The following CTNND2 variants were observed in gnomAD, a reference collection of about 807,000 sequenced individuals.
The protein encoded by CTNND2 is catenin delta 2.
Under a neutral mutation model 144.4 loss-of-function variants are expected in CTNND2, and 22 were observed. That is an observed-to-expected ratio of 0.15 (90% confidence interval 0.11 to 0.22). The LOEUF (loss-of-function observed/expected upper bound fraction) is 0.22. Ranked by LOEUF, CTNND2 falls within the 10% of genes least tolerant of loss-of-function variation. The probability of loss-of-function intolerance (pLI) is 1.00; values close to 1 mark genes in which losing one functional copy is unlikely to be tolerated. For synonymous variants in CTNND2, 751 were observed against 695.6 expected (o/e 1.08, Z -1.25); for missense variants, 1,353 against 1,618.8 (o/e 0.84, Z 2.82).
chr5:11,903,937 C>T lies in CTNND2; in HGVS notation c.-84G>A. ...GCTTCAGGGCAAGGTCCTGACCTTGCCCAACTGCAGCATCTTCCGCTTTTG... is the reference window on the plus strand; with the variant it reads ...GCTTCAGGGCAAGGTCCTGACCTTGTCCAACTGCAGCATCTTCCGCTTTTG... On this transcript the variant is annotated 5_prime_UTR_variant, in exon 1 of 22. Transcript: ENST00000304623. This position sits in a 1 kb window ranked among gnomAD's most constrained non-coding sequence, Gnocchi z 5.4. 2 of 1,321,788 alleles carry T rather than the reference C, an allele frequency of 1.5e-6. No homozygotes were observed. The highest frequency in any genetic ancestry group is 1.9e-6 in the Non-Finnish European group (2 of 1,034,488). 81.9% of individuals were successfully genotyped at this position (1,321,788 alleles called of 1,614,324 possible).
intron 2 of CTNND2, among the ~76,000 whole-genome samples, chr5:11,647,825 C>T (rs1561655467): frequency 6.6e-6 from 1 of 152,154 alleles, no homozygotes; most frequent in Non-Finnish European, 1.5e-5. Flanking sequence ...CAGCCATGAT[C>T]TTGCTCTAGA....
chr5:11,368,641 G>C (rs1239683252), intron 7 of CTNND2, among the ~76,000 whole-genome samples: 1 of 152,150 alleles, frequency 6.6e-6, no homozygotes, highest in African/African-American at 2.4e-5. Flanking sequence ...GTGGCCTCAG[G>C]GTGTTGATGT....
At chr5:11,255,011 G>A (rs938647718) in intron 9 of CTNND2, among the ~76,000 whole-genome samples, 3 of 152,202 alleles carry the variant, frequency 2.0e-5, no homozygotes, top group African/African-American at 7.2e-5. Context: ...TTGGAGTCAT[G>A]CCAGAGCTAC....
At chr5:11,199,334 C>G in intron 11 of CTNND2, 114 bp downstream of exon 11, 1 of 897,170 alleles carries the variant, frequency 1.1e-6, no homozygotes, top group Non-Finnish European at 1.7e-6. Context: ...ATATTGAGAC[C>G]GCCTATGTTA....
At chr5:11,135,346 T>C (rs1216002698) in intron 12 of CTNND2, among the ~76,000 whole-genome samples, 1 of 152,236 alleles carries the variant, frequency 6.6e-6, no homozygotes, top group Non-Finnish European at 1.5e-5. Flanking sequence ...TTTCTAAAGT[T>C]CATCTTAATA....
At chr5:11,152,429 C>G (rs1757823850) in intron 12 of CTNND2, among the ~76,000 whole-genome samples, 2 of 152,228 alleles carry the variant, frequency 1.3e-5, no homozygotes, top group Non-Finnish European at 2.9e-5. Context: ...ATAGACATAT[C>G]ATACAGCCTA....
chr5:11,767,957 T>C (rs980877426), intron 1 of CTNND2, among the ~76,000 whole-genome samples: 3 of 152,184 alleles, frequency 2.0e-5, no homozygotes, highest in African/African-American at 7.2e-5. Flanking sequence ...ATTCCAATAA[T>C]GTATCACTAA....
intron 5 of CTNND2, among the ~76,000 whole-genome samples, chr5:11,408,118 G>A (rs1210041670): frequency 6.6e-6 from 1 of 152,124 alleles, no homozygotes; most frequent in Non-Finnish European, 1.5e-5. Flanking sequence ...AAGGGCATCT[G>A]TCTTCCACTG....
intron 2 of CTNND2, among the ~76,000 whole-genome samples, chr5:11,642,203 G>A (rs908863314): frequency 6.6e-6 from 1 of 152,042 alleles, no homozygotes; most frequent in African/African-American, 2.4e-5. Flanking sequence ...TATGTCTCAG[G>A]TACAGCCCAG....
intron 1 of CTNND2, among the ~76,000 whole-genome samples, chr5:11,856,494 T>C (rs943599635): frequency 1.1e-4 from 17 of 152,102 alleles, no homozygotes; most frequent in African/African-American, 3.1e-4. Context: ...TTAGTATCAA[T>C]CTGAGTGTCG....
chr5:11,011,346 T>G (rs1038028480), intron 18 of CTNND2, among the ~76,000 whole-genome samples: 1 of 152,160 alleles, frequency 6.6e-6, no homozygotes, highest in African/African-American at 2.4e-5. Context: ...CCCGAGTAGC[T>G]GGGATTACAG....
intron 3 of CTNND2, among the ~76,000 whole-genome samples, chr5:11,412,457 C>CT (rs1561355146): frequency 6.6e-6 from 1 of 152,022 alleles, no homozygotes; most frequent in African/African-American, 2.4e-5. Flanking sequence ...ATAACTATCC[C>CT]TTTTTTTATT....
chr5:11,411,526 C>T lies in CTNND2; in HGVS notation c.439+10G>A, dbSNP rs375686415. On this transcript the variant is annotated intron_variant, in intron 5 of 21. Coordinates refer to ENST00000304623, the MANE Select transcript of CTNND2 (RefSeq NM_001332.4). ...CAACTATCTTCAAGCATAACTGCCA[C>T]GTGACTTACTTTCACCTGTAGAATA... The T allele has an allele frequency of 2.9e-5, 40 of 1,395,406 alleles. No homozygotes were observed. Among genetic ancestry groups the T allele is most frequent in the African/African-American group, 1.8e-4 (13 of 70,280 alleles). The allele number at this position is 1,395,406 out of a possible 1,614,324, so 86.4% of individuals were successfully genotyped here.
chr5:11,190,832 T>C (rs1736164751), intron 11 of CTNND2, among the ~76,000 whole-genome samples: 1 of 152,014 alleles, frequency 6.6e-6, no homozygotes, highest in Non-Finnish European at 1.5e-5. Context: ...TTCTAGAATC[T>C]AGAAGAGAAT....
At chr5:10,993,132 C>A (rs994344272) in intron 18 of CTNND2, among the ~76,000 whole-genome samples, 1 of 152,164 alleles carries the variant, frequency 6.6e-6, no homozygotes, top group Admixed American at 6.5e-5. Flanking sequence ...GCAGCGTCCT[C>A]CCTTCCCGTT....
chr5:11,088,367 G>A (rs904547059), intron 15 of CTNND2, among the ~76,000 whole-genome samples: 3 of 152,182 alleles, frequency 2.0e-5, no homozygotes, highest in African/African-American at 7.2e-5. Context: ...GTGGTTGAGA[G>A]GTGCAGGCTC....
At chr5:11,276,479 T>C (rs1374601991) in intron 9 of CTNND2, among the ~76,000 whole-genome samples, 1 of 152,178 alleles carries the variant, frequency 6.6e-6, no homozygotes, top group Non-Finnish European at 1.5e-5. Context: ...TTCTAAGTGA[T>C]GGCAGCCCTG....
chr5:11,421,642 C>G (rs1290927026), intron 3 of CTNND2, among the ~76,000 whole-genome samples: 1 of 152,106 alleles, frequency 6.6e-6, no homozygotes, highest in Non-Finnish European at 1.5e-5. Context: ...AAAAAATACC[C>G]AGGCATGGCG....
At chr5:11,071,308 C>T (rs909900238) in intron 16 of CTNND2, among the ~76,000 whole-genome samples, 9 of 152,160 alleles carry the variant, frequency 5.9e-5, no homozygotes, top group South Asian at 2.1e-4. Context: ...GAGGTTGAGG[C>T]GGGCAGATGG....
Sources: allele counts gnomAD v4.1 joint callset (sites outside exome capture counted in the v4.1 genomes callset), GRCh38; gene constraint gnomAD v4.1.1; non-coding constraint Gnocchi (gnomAD v3.1); transcripts MANE v1.5; gene names NCBI Gene and HGNC (gene_info 2026-07-23, HGNC 2026-07-21).